Variants in FGF13 observed in about 807,000 individuals in gnomAD.
FGF13 encodes the protein fibroblast growth factor homologous factor 2.
In FGF13, 2 loss-of-function variants were observed where a neutral mutation model predicts 19.5. The ratio of observed to expected loss-of-function variants is 0.10; its 90% CI spans 0.04 to 0.32. FGF13 has a LOEUF of 0.32. Ranked by LOEUF, FGF13 falls within the 10% of genes least tolerant of loss-of-function variation. The pLI is 1.00. For missense variants in FGF13, 113 were observed against 192.7 expected (o/e 0.59, Z 2.45); for synonymous variants, 72 against 76.9 (o/e 0.94, Z 0.33).
At chrX:138,960,970 G>T (rs952371765) in intron 1 of FGF13, among the ~76,000 whole-genome samples, 2 of 111,309 alleles carry the variant, frequency 1.8e-5, no homozygotes, top group Non-Finnish European at 3.8e-5. Context: ...CCTTTAGCTC[G>T]GAGAAGTTTG....
intron 3 of FGF13, among the ~76,000 whole-genome samples, chrX:138,834,469 G>C (rs1026671233): frequency 1.8e-4 from 20 of 111,081 alleles, no homozygotes; most frequent in Non-Finnish European, 5.7e-5. Flanking sequence ...ATAGTTGTTT[G>C]CATTTCTATG....
chrX:138,828,426 C>T (rs1167347900), intron 3 of FGF13, among the ~76,000 whole-genome samples: 11 of 110,160 alleles, frequency 1.0e-4, no homozygotes, highest in African/African-American at 3.6e-4. Context: ...AAAAATTAGC[C>T]GGGCGTGGTG....
chrX:138,812,914 G>A (rs1444805040), intron 3 of FGF13, among the ~76,000 whole-genome samples: 2 of 110,664 alleles, frequency 1.8e-5, no homozygotes, highest in Admixed American at 9.6e-5. Flanking sequence ...TGTTCTCAGT[G>A]TTCATCTCCC....
rs552736274 is a variant in FGF13, at chrX:138,639,610, A to G, written c.403-3955T>C. Among the ~76,000 whole-genome samples, 8 of 112,160 alleles carry G rather than the reference A, an allele frequency of 7.1e-5. No individual in the cohort carries two copies. The South Asian group carries it at 3.0e-3, about 42-fold the overall frequency. ...TAACAACTTTTTAGTTAATGAAATA[A>G]TCAATCTGTCTCTAATATCTTTCCT... On this transcript the variant is annotated intron_variant, in intron 3 of 4. Transcript: ENST00000315930.
chrX:138,682,062 T>C (rs2089734679), intron 3 of FGF13, among the ~76,000 whole-genome samples: 1 of 112,394 alleles, frequency 8.9e-6, no homozygotes, highest in Non-Finnish European at 1.9e-5. Flanking sequence ...ATGGCGCTGA[T>C]AGATTTTCTT....
At chrX:138,982,095 T>C (rs2091966162) in intron 1 of FGF13, among the ~76,000 whole-genome samples, 2 of 111,932 alleles carry the variant, frequency 1.8e-5, no homozygotes, top group Admixed American at 1.9e-4. Context: ...AGTGGCTTTT[T>C]ATGGTTGAAG....
intron 2 of FGF13, among the ~76,000 whole-genome samples, chrX:138,859,715 AAC>A (rs2091278494): frequency 8.9e-6 from 1 of 112,319 alleles, no homozygotes; most frequent in Non-Finnish European, 1.9e-5. Context: ...GGTTATCTGT[AAC>A]ACACAACAAA....
At chrX:138,751,494 T>C (rs2090397165) in intron 3 of FGF13, among the ~76,000 whole-genome samples, 1 of 111,786 alleles carries the variant, frequency 8.9e-6, no homozygotes. Context: ...CTTCAACTCT[T>C]CTAAGTGTGT....
chrX:138,677,025 T>G (rs1310913663), intron 3 of FGF13, among the ~76,000 whole-genome samples: 1 of 112,548 alleles, frequency 8.9e-6, no homozygotes, highest in East Asian at 2.8e-4. Flanking sequence ...GTTGAGAATA[T>G]GATTCGTATT....
chrX:138,821,372 C>T (rs1401207211), intron 3 of FGF13, among the ~76,000 whole-genome samples: 2 of 111,654 alleles, frequency 1.8e-5, no homozygotes, highest in Non-Finnish European at 3.8e-5. Flanking sequence ...AAAACCTGTA[C>T]GTGGTTCAGT....
At chrX:139,173,753 T>C (rs929239329) in intron 1 of FGF13, among the ~76,000 whole-genome samples, 2 of 112,063 alleles carry the variant, frequency 1.8e-5, no homozygotes, top group Non-Finnish European at 3.8e-5. Context: ...TATGGCTGCA[T>C]AGAATTCCAT....
intron 1 of FGF13, among the ~76,000 whole-genome samples, chrX:138,886,585 G>A (rs1476011118): frequency 1.8e-5 from 2 of 111,610 alleles, no homozygotes; most frequent in African/African-American, 6.5e-5. Flanking sequence ...ATGACCTTGG[G>A]CTTTCTCAGC....
intron 1 of FGF13, among the ~76,000 whole-genome samples, chrX:139,092,890 T>C (rs917221742): frequency 8.9e-6 from 1 of 112,015 alleles, no homozygotes; most frequent in South Asian, 3.8e-4. Flanking sequence ...TCCACTAAGA[T>C]AAGTTACTGA....
intron 1 of FGF13, among the ~76,000 whole-genome samples, chrX:139,007,019 G>T (rs1330415850): frequency 9.0e-6 from 1 of 111,032 alleles, no homozygotes; most frequent in Non-Finnish European, 1.9e-5. Context: ...GAATGTAAAT[G>T]AACTAAACTC....
upstream of FGF13, among the ~76,000 whole-genome samples, chrX:138,711,836 G>A (rs984516975): frequency 4.0e-4 from 26 of 65,705 alleles, no homozygotes; most frequent in Non-Finnish European, 7.0e-4. Flanking sequence ...CAAGTCCCCG[G>A]CCGCCCGTTC....
intron 1 of FGF13, among the ~76,000 whole-genome samples, chrX:138,997,468 C>T (rs1383872643): frequency 9.0e-6 from 1 of 111,470 alleles, no homozygotes; most frequent in East Asian, 2.8e-4. Flanking sequence ...TGAGAATAAC[C>T]AGTATAGAGA....
chrX:138,877,045 A>G (rs1273310887), intron 1 of FGF13, among the ~76,000 whole-genome samples: 1 of 111,957 alleles, frequency 8.9e-6, no homozygotes, highest in Admixed American at 9.5e-5. Context: ...GTTCTCACTT[A>G]TAACTGGGAG....
intron 1 of FGF13, among the ~76,000 whole-genome samples, chrX:139,178,241 G>A (rs765769021): frequency 8.9e-6 from 1 of 112,425 alleles, no homozygotes; most frequent in African/African-American, 3.2e-5. Context: ...GCTATACTTG[G>A]CTATGCCAAA....
At position 138,629,934 on chromosome X, in the gene FGF13, G is replaced by A. The variant is rs1019723974; in HGVS notation, c.*2916C>T. 9.0e-6 allele frequency: 1 copy of A among 111,208 alleles called. No individual in the cohort carries two copies. Among genetic ancestry groups the A allele is most frequent in the South Asian group, 3.8e-4 (1 of 2,606 alleles). The allele number at this position is 111,208 out of a possible 1,213,427, so 9.2% of individuals were successfully genotyped here. A position where few individuals can be genotyped will look rare whatever the true frequency, so the allele number is the denominator to read the frequency against. ...TGTTTCCCACAACTATTTGACTAGA[G>A]TCTTTTTTTCTTTCATCAGTTATGT... On this transcript the variant is annotated 3_prime_UTR_variant, in exon 5 of 5. Coordinates refer to ENST00000315930, the MANE Select transcript of FGF13 (RefSeq NM_004114.5).
Sources: gnomAD v4.1 joint callset for allele counts (sites outside exome capture counted in the v4.1 genomes callset) on GRCh38, gnomAD v4.1.1 for gene constraint, MANE v1.5 for transcripts, NCBI Gene and HGNC (gene_info 2026-07-23, HGNC 2026-07-21) for gene names.